The following PRRT1 variants were observed in gnomAD, a reference collection of about 807,000 sequenced individuals.
PRRT1 encodes proline-rich transmembrane protein 1.
In PRRT1, 8 loss-of-function variants were observed where a neutral mutation model predicts 22.6. That is an observed-to-expected ratio of 0.35 (90% CI 0.21 to 0.64). The LOEUF is 0.64. Ranked by LOEUF, PRRT1 falls within the 30% of genes least tolerant of loss-of-function variation. PRRT1 has a pLI of 0.69. For missense variants in PRRT1, 315 were observed against 444.5 expected (o/e 0.71, Z 2.62); for synonymous variants, 176 against 203.6 (o/e 0.86, Z 1.15).
chr6:32,148,496 G>T lies in PRRT1; in HGVS notation c.*726C>A. 6.9e-6 allele frequency: 2 copies of T among 288,564 alleles called. No individual in the cohort carries two copies. Among genetic ancestry groups the T allele is most frequent in the South Asian group, 6.7e-5 (2 of 29,716 alleles). 17.9% of individuals were successfully genotyped at this position (288,564 alleles called of 1,614,324 possible). On this transcript the variant is annotated 3_prime_UTR_variant, in exon 4 of 4. Coordinates refer to ENST00000211413, the MANE Select transcript of PRRT1 (RefSeq NM_030651.4). The surrounding 1 kb of genome is among the most constrained non-coding windows in gnomAD (Gnocchi z 5.7). Reference sequence around the variant, plus strand: ...CCATAGCCTGGATTCCCTTCTGCCCGGCTGCCCAGGGGCTGGGATGGGTGG... The same window carrying T: ...CCATAGCCTGGATTCCCTTCTGCCCTGCTGCCCAGGGGCTGGGATGGGTGG...
Position 32,149,193 on chromosome 6 carries a change from C to G in PRRT1, c.*29G>C. ...AGAAAGAGCCTGGGAGATCGAGGGG[C>G]GCAGAGTGGGGCCGGACCAGGGGCG... is the stretch of plus-strand genomic sequence containing the variant. On this transcript the variant is annotated 3_prime_UTR_variant, in exon 4 of 4. Transcript: ENST00000211413. This position sits in a 1 kb window ranked among gnomAD's most constrained non-coding sequence, Gnocchi z 8.7. 1 of 1,608,016 alleles carries G rather than the reference C, an allele frequency of 6.2e-7. No individual in the cohort carries two copies. Among genetic ancestry groups the G allele is most frequent in the Non-Finnish European group, 8.5e-7 (1 of 1,178,014 alleles).
chr6:32,149,294 C>T lies in PRRT1; in HGVS notation c.849G>A (p.Met283Ile). ...FISLAVGIAA[M>I]VLCTILTVVI... ...CTACGGTGAGGATGGTACAGAGCAC[C>T]ATGGCCGCGATGCCCACGGCCAGGG... The change falls in exon 4 of 4, where the codon ATG becomes ATA. Residue 283 changes from methionine (M) to isoleucine (I), a missense_variant. By Grantham distance (10) the Met-to-Ile change is conservative. Around this residue, in one of 4 missense-constraint regions of PRRT1, gnomAD observed 24 missense variants for 38.2 expected, o/e 0.63. Coordinates refer to ENST00000211413, the MANE Select transcript of PRRT1 (RefSeq NM_030651.4). The surrounding 1 kb of genome is among the most constrained non-coding windows in gnomAD (Gnocchi z 8.7). 6.2e-7 allele frequency: 1 copy of T among 1,611,168 alleles called. No homozygotes were observed. Among genetic ancestry groups the T allele is most frequent in the Non-Finnish European group, 8.5e-7 (1 of 1,179,348 alleles).
intron 1 of PRRT1, chr6:32,151,193 C>T: frequency 1.5e-6 from 1 of 661,324 alleles, no homozygotes; most frequent in Non-Finnish European, 2.7e-6. Context: ...CACCTGCAGA[C>T]CTAATCCCCT....
At position 32,151,806 on chromosome 6, in the gene PRRT1, T is replaced by C; in HGVS notation, c.19+3A>G. The C allele has an allele frequency of 6.2e-7, 1 of 1,609,058 alleles. No homozygotes were observed. ...GGGTGGGAGGTTTTGTTATTGTTTT[T>C]ACCTGACTTTTCGGATGACATGCCT... On this transcript the variant is annotated splice_donor_region_variant and intron_variant, in intron 1 of 3. Transcript: ENST00000211413.
At position 32,149,132 on chromosome 6, in the gene PRRT1, T is replaced by G. The variant is rs1783118757; in HGVS notation, c.*90A>C. 7 of 1,327,464 alleles carry G rather than the reference T, an allele frequency of 5.3e-6. No homozygotes were observed. In the East Asian group the frequency reaches 1.6e-4, roughly 31 times the overall value. 82.2% of individuals were successfully genotyped at this position (1,327,464 alleles called of 1,614,324 possible). A position where few individuals can be genotyped will look rare whatever the true frequency, so the allele number is the denominator to read the frequency against. On this transcript the variant is annotated 3_prime_UTR_variant, in exon 4 of 4. Coordinates refer to ENST00000211413, the MANE Select transcript of PRRT1 (RefSeq NM_030651.4). This position sits in a 1 kb window ranked among gnomAD's most constrained non-coding sequence, Gnocchi z 8.7. ...CAAGTCTGACGGCCCCAGAAACGGG[T>G]GTGCAGGGCGCCCATTGGGTCCGCG...
In PRRT1 at chr6:32,150,893, T is replaced by C. The variant is rs757032411; in HGVS notation, c.33A>G (p.Ser11=). The C allele has an allele frequency of 1.3e-6, 2 of 1,579,132 alleles. No individual in the cohort carries two copies. The highest frequency in any genetic ancestry group is 1.2e-5 in the South Asian group (1 of 86,574). ...AGGGCGGCGGAGAAGTGTGAGGGACTGAGTCTGGGAGTCCTGGGGGAGGTG... is the reference window on the plus strand; with the variant it reads ...AGGGCGGCGGAGAAGTGTGAGGGACCGAGTCTGGGAGTCCTGGGGGAGGTG... The part of the protein sequence containing the change: MSSEKSGLPD[S]VPHTSPPPYN... The change falls in exon 2 of 4, where the codon TCA becomes TCG. Residue 11 remains serine (S), a synonymous_variant. Transcript: ENST00000211413. The surrounding 1 kb of genome is among the most constrained non-coding windows in gnomAD (Gnocchi z 7.2).
In PRRT1 at chr6:32,151,635, G is replaced by C. The variant is rs892233233; in HGVS notation, c.19+174C>G. On this transcript the variant is annotated intron_variant, in intron 1 of 3. Coordinates refer to ENST00000211413, the MANE Select transcript of PRRT1 (RefSeq NM_030651.4). ...GAGGCTGCCACTGGAAAGAGGAAAG[G>C]AAGAGAAAGGGGGAGACAGAAAGAG... 8 of 612,190 alleles carry C rather than the reference G, an allele frequency of 1.3e-5. 1 individual carries two copies. The East Asian group carries it at 1.4e-4, about 11-fold the overall frequency. 37.9% of individuals were successfully genotyped at this position (612,190 alleles called of 1,614,324 possible).
chr6:32,149,038 C>T lies in PRRT1; in HGVS notation c.*184G>A. 1.3e-6 allele frequency: 1 copy of T among 761,754 alleles called. No homozygotes were observed. The highest frequency in any genetic ancestry group is 2.3e-6 in the Non-Finnish European group (1 of 436,488). 47.2% of individuals were successfully genotyped at this position (761,754 alleles called of 1,614,324 possible). ...GGGGGTGTGGGTTTTGGAGGGGTTC[C>T]TGAGGAACTGGATTCCGAGCTTGCT... On this transcript the variant is annotated 3_prime_UTR_variant, in exon 4 of 4. Coordinates refer to ENST00000211413, the MANE Select transcript of PRRT1 (RefSeq NM_030651.4). The surrounding 1 kb of genome is among the most constrained non-coding windows in gnomAD (Gnocchi z 8.7).
In PRRT1 at chr6:32,150,599, G is replaced by A. The variant is rs994609654; in HGVS notation, c.327C>T (p.Pro109=). Residue 109 remains proline, a synonymous_variant, in exon 2 of 4, where the codon CCC becomes CCT. Transcript: ENST00000211413. The surrounding 1 kb of genome is among the most constrained non-coding windows in gnomAD (Gnocchi z 7.2). ...AGCGAGTCTCCTGCAGGTAAGGGTC[G>A]GGTGGCATGCGGGGCAAGGTAGCGC... ...PGCATLPRMP[P]DPYLQETRFE... The A allele has an allele frequency of 1.4e-6, 2 of 1,395,406 alleles. No homozygotes were observed. Among genetic ancestry groups the A allele is most frequent in the African/African-American group, 3.0e-5 (2 of 65,898 alleles). The allele number at this position is 1,395,406 out of a possible 1,614,324, so 86.4% of individuals were successfully genotyped here. A position where few individuals can be genotyped will look rare whatever the true frequency, so the allele number is the denominator to read the frequency against.
upstream of PRRT1, chr6:32,152,117 T>G: frequency 1.4e-6 from 1 of 696,204 alleles, no homozygotes; most frequent in Non-Finnish European, 2.7e-6. Flanking sequence ...GCCCCCAGTT[T>G]GGGTTCCTTT....
Position 32,150,780 on chromosome 6 carries a change from T to C in PRRT1, c.146A>G (p.His49Arg). The C allele has an allele frequency of 6.4e-7, 1 of 1,560,302 alleles. No individual in the cohort carries two copies. ...CGGGAGGGTGGCGGTGCCAGACTGA[T>C]GGTAGTGGTGGTGGTGGTGATGGTG... ...SSHHHHHHHY[H>R]QSGTATLPRL... Residue 49 changes from histidine to arginine, a missense_variant, in exon 2 of 4, where the codon CAT becomes CGT. His to Arg is a conservative substitution (Grantham distance 29). Coordinates refer to ENST00000211413, the MANE Select transcript of PRRT1 (RefSeq NM_030651.4). The surrounding 1 kb of genome is among the most constrained non-coding windows in gnomAD (Gnocchi z 7.2).
rs1156941648 is a variant in PRRT1, at chr6:32,151,938, A to G, written c.-111T>C. On this transcript the variant is annotated 5_prime_UTR_variant, in exon 1 of 4. Transcript: ENST00000211413. The stretch of plus-strand genomic sequence containing the variant: ...CCGGCAGCAGCGCAGAGATGGAGAG[A>G]TGAAGGCAGCGGCGGGGGGGGGGGG... The G allele has an allele frequency of 5.3e-6, 2 of 378,030 alleles. No individual in the cohort carries two copies. The highest frequency in any genetic ancestry group is 9.9e-6 in the Non-Finnish European group (2 of 201,094). 23.4% of individuals were successfully genotyped at this position (378,030 alleles called of 1,614,324 possible).
In PRRT1 at chr6:32,149,279, G is replaced by T. The variant is rs769386597; in HGVS notation, c.864C>A (p.Ile288=). 17 of 1,611,626 alleles carry T rather than the reference G, an allele frequency of 1.1e-5. No homozygotes were observed. The highest frequency in any genetic ancestry group is 1.2e-5 in the Non-Finnish European group (14 of 1,179,768). ...VGIAAMVLCT[I]LTVVIIIAAQ... ...CGGCGATGATGATGACTACGGTGAG[G>T]ATGGTACAGAGCACCATGGCCGCGA... The change falls in exon 4 of 4, where the codon ATC becomes ATA. Residue 288 remains isoleucine, a synonymous_variant. Transcript: ENST00000211413. The surrounding 1 kb of genome is among the most constrained non-coding windows in gnomAD (Gnocchi z 8.7).
At position 32,148,739 on chromosome 6, in the gene PRRT1, G is replaced by T. The variant is rs1364896306; in HGVS notation, c.*483C>A. 2.2e-6 allele frequency: 1 copy of T among 459,580 alleles called. No individual in the cohort carries two copies. The highest frequency in any genetic ancestry group is 4.4e-6 in the Non-Finnish European group (1 of 228,846). The allele number at this position is 459,580 out of a possible 1,614,324, so 28.5% of individuals were successfully genotyped here. ...TACCCCAGGGCTCGGTCCTTTTGCC[G>T]GAAGAAAGGGAGGGGTCTGTCCGTC... On this transcript the variant is annotated 3_prime_UTR_variant, in exon 4 of 4. Coordinates refer to ENST00000211413, the MANE Select transcript of PRRT1 (RefSeq NM_030651.4). This position sits in a 1 kb window ranked among gnomAD's most constrained non-coding sequence, Gnocchi z 5.7.
Position 32,150,510 on chromosome 6 carries a change from T to C in PRRT1, c.416A>G (p.Gln139Arg). The C allele has an allele frequency of 7.1e-7, 1 of 1,417,200 alleles. No homozygotes were observed. The highest frequency in any genetic ancestry group is 9.2e-7 in the Non-Finnish European group (1 of 1,089,212). 87.8% of individuals were successfully genotyped at this position (1,417,200 alleles called of 1,614,324 possible). ...AAAPPPPAPA[Q>R]TAQAPGFVVP... ...CACGAAGCCAGGGGCCTGGGCAGTC[T>C]GGGCTGGCGCCGGCGGGGGCGGGGC... Residue 139 changes from glutamine to arginine, a missense_variant, in exon 2 of 4, where the codon CAG becomes CGG. By Grantham distance (43) the Gln-to-Arg change is conservative. Around this residue, in one of 4 missense-constraint regions of PRRT1, gnomAD observed 263 missense variants for 328.5 expected, o/e 0.80. Coordinates refer to ENST00000211413, the MANE Select transcript of PRRT1 (RefSeq NM_030651.4). This position sits in a 1 kb window ranked among gnomAD's most constrained non-coding sequence, Gnocchi z 7.2.
Position 32,150,882 on chromosome 6 carries a change from G to T in PRRT1, c.44C>A (p.Thr15Asn). ...KSGLPDSVPH[T>N]SPPPYNAPQP... ...AGGGGCATTGTAGGGCGGCGGAGAA[G>T]TGTGAGGGACTGAGTCTGGGAGTCC... Residue 15 changes from threonine to asparagine, a missense_variant, in exon 2 of 4, where the codon ACT becomes AAT. By Grantham distance (65) the Thr-to-Asn change is moderately conservative. This residue lies in a region of PRRT1 where 263 missense variants were observed against 328.5 expected (regional missense o/e 0.80). Transcript: ENST00000211413. The surrounding 1 kb of genome is among the most constrained non-coding windows in gnomAD (Gnocchi z 7.2). The T allele has an allele frequency of 6.3e-7, 1 of 1,582,560 alleles. No individual in the cohort carries two copies.
rs1432717620 is a variant in PRRT1 at position 32,148,747 on chromosome 6, G to A, written c.*475C>T. 1 of 464,238 alleles carries A rather than the reference G, an allele frequency of 2.2e-6. No individual in the cohort carries two copies. Among genetic ancestry groups the A allele is most frequent in the African/African-American group, 2.0e-5 (1 of 50,492 alleles). The allele number at this position is 464,238 out of a possible 1,614,324, so 28.8% of individuals were successfully genotyped here. A position where few individuals can be genotyped will look rare whatever the true frequency, so the allele number is the denominator to read the frequency against. ...GGCTCGGTCCTTTTGCCGGAAGAAA[G>A]GGAGGGGTCTGTCCGTCTGTGGGCG... On this transcript the variant is annotated 3_prime_UTR_variant, in exon 4 of 4. Transcript: ENST00000211413. The surrounding 1 kb of genome is among the most constrained non-coding windows in gnomAD (Gnocchi z 5.7).
In PRRT1 at chr6:32,150,339, T is replaced by A; in HGVS notation, c.558+29A>T. The A allele has an allele frequency of 6.5e-7, 1 of 1,547,518 alleles. No homozygotes were observed. The highest frequency in any genetic ancestry group is 8.7e-7 in the Non-Finnish European group (1 of 1,154,938). ...AAGTCCTGTATCGCGTCCCCCTCTT[T>A]CCCATGTCCCTGTCTGCCCGGCACT... On this transcript the variant is annotated intron_variant, in intron 2 of 3. Coordinates refer to ENST00000211413, the MANE Select transcript of PRRT1 (RefSeq NM_030651.4). The surrounding 1 kb of genome is among the most constrained non-coding windows in gnomAD (Gnocchi z 7.2).
chr6:32,149,957 T>C lies in PRRT1; in HGVS notation c.559-235A>G. Reference sequence around the variant, plus strand: ...TTTCTACATTCTCTCCCGCAAGGTATGGTCCCACTGGGGCTGTCCTGGCCT... The same window carrying C: ...TTTCTACATTCTCTCCCGCAAGGTACGGTCCCACTGGGGCTGTCCTGGCCT... On this transcript the variant is annotated intron_variant, in intron 2 of 3. Coordinates refer to ENST00000211413, the MANE Select transcript of PRRT1 (RefSeq NM_030651.4). The surrounding 1 kb of genome is among the most constrained non-coding windows in gnomAD (Gnocchi z 8.7). The C allele has an allele frequency of 1.8e-6, 1 of 558,544 alleles. No individual in the cohort carries two copies. Among genetic ancestry groups the C allele is most frequent in the Non-Finnish European group, 3.1e-6 (1 of 318,860 alleles). The allele number at this position is 558,544 out of a possible 1,614,324, so 34.6% of individuals were successfully genotyped here.
Sources: gnomAD v4.1 joint callset for allele counts on GRCh38, gnomAD v4.1.1 for gene constraint, gnomAD v4.1.1 regional missense constraint, Gnocchi (gnomAD v3.1) non-coding constraint, MANE v1.5 for transcripts, NCBI Gene and HGNC (gene_info 2026-07-23, HGNC 2026-07-21) for gene names.